PGM1: variants seen among roughly 807,000 people sequenced by gnomAD.
PGM1 encodes the protein phosphoglucomutase 1.
A neutral mutation model predicts 55.6 loss-of-function variants in PGM1; 52 were observed. That is an observed-to-expected ratio of 0.94 (90% CI 0.75 to 1.18). The LOEUF (loss-of-function observed/expected upper bound fraction) is 1.18, where lower values mean the gene tolerates loss of function less well. PGM1 is among the 50% of genes most tolerant of loss of function. PGM1 has a pLI of 0.00. For missense variants in PGM1, 724 were observed against 729.3 expected, an observed-to-expected ratio of 0.99 and a Z score of 0.08; for synonymous variants, 287 against 271.7, an observed-to-expected ratio of 1.06 and a Z score of -0.55.
chr1:63,601,822 T>C (rs902526162), intron 1 of PGM1, among the ~76,000 whole-genome samples: 9 of 152,196 alleles, frequency 5.9e-5, no homozygotes, highest in Admixed American at 5.9e-4. Context: ...CTCCTTCCCA[T>C]AGCTTCTCCA....
chr1:63,658,269 C>T (rs150372145), intron 10 of PGM1, among the ~76,000 whole-genome samples: 124 of 151,326 alleles, frequency 8.2e-4, no homozygotes, highest in African/African-American at 2.9e-3. Flanking sequence ...GCTATTGAGT[C>T]ATTTAGTCAA....
intron 8 of PGM1, among the ~76,000 whole-genome samples, chr1:63,649,722 C>T (rs1252929336): frequency 7.9e-5 from 12 of 152,216 alleles, no homozygotes; most frequent in Admixed American, 3.9e-4. Flanking sequence ...TTCTCTCTCA[C>T]GTTACTGTTT....
chr1:63,633,980 C>G (rs1649293863), intron 4 of PGM1, among the ~76,000 whole-genome samples: 1 of 122,908 alleles, frequency 8.1e-6, no homozygotes, highest in Admixed American at 9.6e-5. Flanking sequence ...CAGGGTCTCA[C>G]CATGTTGGCT....
In PGM1 at chr1:63,647,107, G is replaced by T. The variant is rs111360698; in HGVS notation, c.1145-1410G>T. On this transcript the variant is annotated intron_variant, in intron 7 of 10. Transcript: ENST00000371084. ...AAACTACAAAAATTAGCTGAGCATG[G>T]TGGCGGGCACCTATAATCCCAGCTA... 7.5e-3 allele frequency among the ~76,000 whole-genome samples: 1,134 copies of T among 151,644 alleles called. 15 individuals carry two copies. The highest frequency in any genetic ancestry group is 0.025 in the African/African-American group (1,052 of 41,404).
chr1:63,610,071 C>T (rs1305407587), intron 1 of PGM1, among the ~76,000 whole-genome samples: 3 of 152,184 alleles, frequency 2.0e-5, no homozygotes, highest in Admixed American at 1.3e-4. Context: ...ATTAATTGTA[C>T]AATATCATGT....
At chr1:63,623,741 A>C (rs1351035748) in intron 1 of PGM1, 1 of 1,610,856 alleles carries the variant, frequency 6.2e-7, no homozygotes, top group Non-Finnish European at 8.5e-7. Flanking sequence ...ACAATAGTGC[A>C]GATGGCAGCT....
intron 1 of PGM1, among the ~76,000 whole-genome samples, chr1:63,626,708 A>T (rs963948342): frequency 6.6e-6 from 1 of 151,986 alleles, no homozygotes; most frequent in Non-Finnish European, 1.5e-5. Context: ...CAAATTCTTT[A>T]AAAAGTTTTA....
chr1:63,594,039 C>T (rs1260412057), intron 1 of PGM1: 52 of 1,101,548 alleles, frequency 4.7e-5, no homozygotes, highest in East Asian at 6.2e-5. Flanking sequence ...GCTGCCTTCC[C>T]TCTCCCCGTC....
intron 4 of PGM1, among the ~76,000 whole-genome samples, chr1:63,633,912 GTGTGTGTA>G (rs1557433620): frequency 2.9e-5 from 1 of 34,270 alleles, no homozygotes; most frequent in African/African-American, 2.4e-4. Context: ...GTGTGTGTGT[GTGTGTGTA>G]TATATATATA....
intron 1 of PGM1, among the ~76,000 whole-genome samples, chr1:63,601,100 T>TG: frequency 6.6e-6 from 1 of 152,228 alleles, no homozygotes; most frequent in East Asian, 1.9e-4. Context: ...CAGTTAGACT[T>TG]GGGGGCCTAT....
At chr1:63,593,838 C>G in intron 1 of PGM1, 104 bp downstream of exon 1, 1 of 1,310,022 alleles carries the variant, frequency 7.6e-7, no homozygotes. Flanking sequence ...CGCGCGCTGC[C>G]GCCTCGGTTT....
At chr1:63,648,924 T>C (rs760790200) in intron 8 of PGM1, among the ~76,000 whole-genome samples, 12 of 152,338 alleles carry the variant, frequency 7.9e-5, no homozygotes, top group Non-Finnish European at 1.3e-4. Context: ...TGGGTGGACA[T>C]GATCATAACA....
intron 1 of PGM1, among the ~76,000 whole-genome samples, chr1:63,608,733 G>GA (rs1648491156): frequency 6.6e-6 from 1 of 152,216 alleles, no homozygotes. Flanking sequence ...CACCTGTCAT[G>GA]AAAGCCCAGC....
At position 63,623,392 on chromosome 1, in the gene PGM1, C is replaced by T. The variant is rs1023839664; in HGVS notation, c.247-6033C>T. 7 of 1,556,536 alleles carry T rather than the reference C, an allele frequency of 4.5e-6. No homozygotes were observed. In the African/African-American group the frequency reaches 9.6e-5, roughly 21 times the overall value. ...GACACTGTTGCAGCTTCAGGTTGGA[C>T]AGACCTATTTTGGAGTCCCTTGACT... On this transcript the variant is annotated intron_variant, in intron 1 of 10. Transcript: ENST00000371084.
At chr1:63,638,964 G>A (rs899269495) in intron 7 of PGM1, among the ~76,000 whole-genome samples, 164 bp downstream of exon 7, 7 of 152,140 alleles carry the variant, frequency 4.6e-5, no homozygotes, top group Non-Finnish European at 1.0e-4. Context: ...CATTTGAAAA[G>A]GGGTGAGCAC....
Position 63,651,790 on chromosome 1 carries a change from G to A in PGM1, c.1402G>A (p.Val468Met). 2.5e-6 allele frequency: 4 copies of A among 1,614,020 alleles called. No individual in the cohort carries two copies. Among genetic ancestry groups the A allele is most frequent in the Non-Finnish European group, 3.4e-6 (4 of 1,179,918 alleles). Residue 468 changes from valine to methionine, a missense_variant, in exon 9 of 11, where the codon GTG becomes ATG. By Grantham distance (21) the Val-to-Met change is conservative. This residue lies in a region of PGM1 where 316 missense variants were observed against 313.1 expected (regional missense o/e 1.01). Coordinates refer to ENST00000371084, the MANE Select transcript of PGM1 (RefSeq NM_002633.3). ...CTCAGCAAATGACAAAGTTTACACTGTGGAGAAGGCCGATAACTTTGAATA... is the reference window on the plus strand; with the variant it reads ...CTCAGCAAATGACAAAGTTTACACTATGGAGAAGGCCGATAACTTTGAATA... ...QFSANDKVYTVEKADNFEYSD... is the reference protein window; with the variant it reads ...QFSANDKVYTMEKADNFEYSD...
At chr1:63,594,035 T>G in intron 1 of PGM1, 2 of 1,094,400 alleles carry the variant, frequency 1.8e-6, no homozygotes, top group East Asian at 1.3e-4. Flanking sequence ...AGCCGCTGCC[T>G]TCCCTCTCCC....
Position 63,633,872 on chromosome 1 carries a change from G to C in PGM1, c.683-957G>C, listed in dbSNP as rs1244103756. ...CATGTGTGTGTCTGTGTCTCTGTGT[G>C]TGTGTGTGTGTGTGTGTGTGTGTGT... On this transcript the variant is annotated intron_variant, in intron 4 of 10. Transcript: ENST00000371084. Among the ~76,000 whole-genome samples the C allele has an allele frequency of 9.6e-4, 17 of 17,720 alleles. 1 individual carries two copies. The highest frequency in any genetic ancestry group is 1.6e-3 in the African/African-American group (3 of 1,876). 11.6% of individuals were successfully genotyped at this position (17,720 alleles called of 152,430 possible).
At chr1:63,623,844 A>T in intron 1 of PGM1, 2 of 879,550 alleles carry the variant, frequency 2.3e-6, no homozygotes, top group South Asian at 1.7e-5. Flanking sequence ...ACAAGGATTT[A>T]TATGTGGTAT....
Sources: allele counts gnomAD v4.1 joint callset (sites outside exome capture counted in the v4.1 genomes callset), GRCh38; gene constraint gnomAD v4.1.1; regional missense constraint gnomAD v4.1.1; transcripts MANE v1.5; gene names NCBI Gene and HGNC (gene_info 2026-07-23, HGNC 2026-07-21).